Variants in PUDP observed in about 807,000 individuals in gnomAD.
PUDP encodes pseudouridine 5'-phosphatase, also known as pseudouridine-5'-phosphatase.
Under a neutral mutation model 9.4 loss-of-function variants are expected in PUDP, and 8 were observed. That is an observed-to-expected ratio of 0.85 (90% confidence interval 0.50 to 1.53). The LOEUF (loss-of-function observed/expected upper bound fraction) is 1.53. Ranked by LOEUF, PUDP falls within the 40% of genes most tolerant of loss-of-function variation. The probability of loss-of-function intolerance (pLI) is 0.00; values close to 1 mark genes in which losing one functional copy is unlikely to be tolerated. For missense variants in PUDP, 188 were observed against 189.7 expected (o/e 0.99, Z 0.05); for synonymous variants, 99 against 80.7 (o/e 1.23, Z -1.22).
chrX:6,863,419 C>T (rs1301696110), intron 3 of PUDP, among the ~76,000 whole-genome samples: 4 of 111,888 alleles, frequency 3.6e-5, no homozygotes, highest in East Asian at 2.8e-4. Context: ...GGATAGTCTC[C>T]GGTGTGGACC....
intron 1 of PUDP, among the ~76,000 whole-genome samples, chrX:6,715,838 C>T (rs1001462478): frequency 2.3e-4 from 26 of 111,565 alleles, no homozygotes; most frequent in African/African-American, 8.2e-4. Context: ...CACAGAACCA[C>T]CCACTGCCCT....
chrX:6,874,554 G>A (rs1266750864), intron 3 of PUDP, among the ~76,000 whole-genome samples: 5 of 112,050 alleles, frequency 4.5e-5, no homozygotes, highest in African/African-American at 1.6e-4. Context: ...CTGCCCAGGA[G>A]AAAACTCAAA....
intron 3 of PUDP, among the ~76,000 whole-genome samples, chrX:7,060,640 T>C (rs1038673691): frequency 1.8e-5 from 2 of 112,415 alleles, no homozygotes; most frequent in African/African-American, 6.5e-5. Context: ...CTCCGAGGAA[T>C]CTATTTTGGG....
At chrX:6,853,776 T>A (rs772218676) in intron 3 of PUDP, among the ~76,000 whole-genome samples, 13 of 111,548 alleles carry the variant, frequency 1.2e-4, no homozygotes, top group Non-Finnish European at 1.9e-4. Context: ...TTTAAATTTT[T>A]TTTTAAGGCA....
intron 3 of PUDP, among the ~76,000 whole-genome samples, chrX:6,866,639 T>C (rs1043425789): frequency 9.0e-6 from 1 of 111,447 alleles, no homozygotes; most frequent in Non-Finnish European, 1.9e-5. Flanking sequence ...GTGCTGCCTC[T>C]ACCTGCAGAT....
intron 3 of PUDP, among the ~76,000 whole-genome samples, chrX:7,054,098 G>C (rs1423964122): frequency 8.9e-6 from 1 of 112,076 alleles, no homozygotes; most frequent in Non-Finnish European, 1.9e-5. Flanking sequence ...TTGGTAACTG[G>C]TTGCTATCAC....
In PUDP at chrX:7,077,307, A is replaced by G; in HGVS notation, c.423T>C (p.Asp141=). ...FSLFSHIVLG[D]DPEVQHGKPD... Reference sequence around the variant, plus strand: ...GCTTGCCATGCTGCACTTCGGGGTCATCTCCCAGCACAATGTGGGAAAACA... The same window carrying G: ...GCTTGCCATGCTGCACTTCGGGGTCGTCTCCCAGCACAATGTGGGAAAACA... Residue 141 remains aspartate, a synonymous_variant, in exon 3 of 4, where the codon GAT becomes GAC. Coordinates refer to ENST00000381077, the MANE Select transcript of PUDP (RefSeq NM_012080.5). The G allele has an allele frequency of 8.3e-7, 1 of 1,210,566 alleles. No homozygotes were observed. Among genetic ancestry groups the G allele is most frequent in the Non-Finnish European group, 1.1e-6 (1 of 894,924 alleles).
chrX:6,992,236 G>A (rs1006615600), intron 1 of PUDP, among the ~76,000 whole-genome samples: 3 of 107,875 alleles, frequency 2.8e-5, no homozygotes, highest in Non-Finnish European at 5.8e-5. Context: ...TCTGAACATG[G>A]GCAATGTTCT....
intron 3 of PUDP, among the ~76,000 whole-genome samples, chrX:6,923,320 T>C (rs181364482): frequency 8.2e-4 from 92 of 111,602 alleles, no homozygotes; most frequent in Non-Finnish European, 1.5e-3. Context: ...ACTACCTATA[T>C]TCTGATGACT....
At chrX:6,754,613 A>G (rs866611127) in intron 3 of PUDP, among the ~76,000 whole-genome samples, 1 of 103,889 alleles carries the variant, frequency 9.6e-6, no homozygotes, top group Non-Finnish European at 1.9e-5. Flanking sequence ...TTGAAATTGT[A>G]TAATATTATA....
chrX:7,062,301 GT>G (rs1328121015), intron 3 of PUDP, among the ~76,000 whole-genome samples: 7 of 111,751 alleles, frequency 6.3e-5, no homozygotes, highest in Non-Finnish European at 1.1e-4. Flanking sequence ...GGGGAGCCCT[GT>G]TTGAGGCACA....
chrX:7,077,377 G>A lies in PUDP; in HGVS notation c.353C>T (p.Ala118Val), dbSNP rs746114712. 17 of 1,208,780 alleles carry A rather than the reference G, an allele frequency of 1.4e-5. No individual in the cohort carries two copies. Among genetic ancestry groups the A allele is most frequent in the African/African-American group, 3.5e-5 (2 of 56,950 alleles). The change falls in exon 3 of 4, where the codon GCG becomes GTG. Residue 118 changes from alanine to valine, a missense_variant. Ala to Val is a moderately conservative substitution (Grantham distance 64). Coordinates refer to ENST00000381077, the MANE Select transcript of PUDP (RefSeq NM_012080.5). Reference protein sequence around the residue: ...PFALATSSGSASFDMKTSRHK... With the variant: ...PFALATSSGSVSFDMKTSRHK... The stretch of plus-strand genomic sequence containing the variant: ...GCGGCTTGTCTTCATATCGAACGAC[G>A]CGGACCCCGAGCTGGTGGCCAGTGC...
At chrX:6,995,457 C>T (rs1034949270) in intron 1 of PUDP, among the ~76,000 whole-genome samples, 3 of 111,711 alleles carry the variant, frequency 2.7e-5, no homozygotes, top group Non-Finnish European at 3.8e-5. Flanking sequence ...GGCATGGTGG[C>T]TCACACCTGT....
chrX:6,826,517 A>G (rs1023359544), intron 3 of PUDP, among the ~76,000 whole-genome samples: 2 of 111,926 alleles, frequency 1.8e-5, no homozygotes, highest in Non-Finnish European at 3.8e-5. Context: ...ATACATAGAC[A>G]TAGTAGTATA....
At chrX:6,969,225 G>C (rs6530019) in intron 3 of PUDP, among the ~76,000 whole-genome samples, 37,439 of 111,042 alleles carry the variant, frequency 0.34, 5,302 homozygotes, top group African/African-American at 0.53. Flanking sequence ...CATGAACTCC[G>C]CTAAAAACAT....
intron 3 of PUDP, among the ~76,000 whole-genome samples, chrX:6,838,813 T>C (rs1044802511): frequency 2.7e-5 from 3 of 112,148 alleles, no homozygotes; most frequent in Non-Finnish European, 5.6e-5. Flanking sequence ...CTACCTTCTC[T>C]GGACTTCAGT....
chrX:7,002,463 TGAG>T (rs1398389584), intron 1 of PUDP, among the ~76,000 whole-genome samples: 1 of 111,677 alleles, frequency 9.0e-6, no homozygotes, highest in Non-Finnish European at 1.9e-5. Context: ...GTGATACTGG[TGAG>T]GAGATTTCTT....
chrX:6,943,943 A>C (rs1244818653), intron 3 of PUDP, among the ~76,000 whole-genome samples: 2 of 112,149 alleles, frequency 1.8e-5, no homozygotes, highest in Admixed American at 9.5e-5. Context: ...GTTAGAAAAA[A>C]AAATTAAAAA....
At chrX:6,933,266 C>A (rs982079829) in intron 3 of PUDP, among the ~76,000 whole-genome samples, 2 of 109,796 alleles carry the variant, frequency 1.8e-5, no homozygotes, top group African/African-American at 3.3e-5. Flanking sequence ...TTCACATGGC[C>A]GGGTACTCCT....
Sources: gnomAD v4.1 joint callset for allele counts (sites outside exome capture counted in the v4.1 genomes callset) on GRCh38, gnomAD v4.1.1 for gene constraint, MANE v1.5 for transcripts, NCBI Gene and HGNC (gene_info 2026-07-23, HGNC 2026-07-21) for gene names.